ARHGAP26: variants seen among roughly 807,000 people sequenced by gnomAD.
ARHGAP26 encodes the protein Rho GTPase activating protein 26.
ARHGAP26 carries 38 observed loss-of-function variants against 104.8 expected under a neutral mutation model. The ratio of observed to expected loss-of-function variants is 0.36; its 90% confidence interval spans 0.28 to 0.48. The LOEUF (loss-of-function observed/expected upper bound fraction) is 0.48, where lower values mean the gene tolerates loss of function less well. Ranked by LOEUF, ARHGAP26 falls within the 20% of genes least tolerant of loss-of-function variation. The pLI, the probability that ARHGAP26 is intolerant of heterozygous loss-of-function variation, is 0.99. For synonymous variants in ARHGAP26, 341 were observed against 340.0 expected (o/e 1.00, Z -0.03); for missense variants, 704 against 947.9 (o/e 0.74, Z 3.38).
At chr5:143,106,466 C>CTTTTTTTTTTTTTTTTTTTT (rs70991793) in intron 17 of ARHGAP26, among the ~76,000 whole-genome samples, 1 of 77,292 alleles carries the variant, frequency 1.3e-5, no homozygotes, top group Non-Finnish European at 2.2e-5. Flanking sequence ...ATGCATTGGG[C>CTTTTTTTTTTTTTTTTTTTT]TTTTTTTTTT....
chr5:142,813,923 C>T (rs1764617886), intron 1 of ARHGAP26, among the ~76,000 whole-genome samples: 1 of 152,238 alleles, frequency 6.6e-6, no homozygotes, highest in Admixed American at 6.5e-5. Context: ...TCAGGTGGGC[C>T]TCTGAGGGCC....
At chr5:142,935,864 G>A (rs73796675) in intron 11 of ARHGAP26, among the ~76,000 whole-genome samples, 311 of 152,146 alleles carry the variant, frequency 2.0e-3, no homozygotes, top group African/African-American at 6.9e-3. Flanking sequence ...ACTTGGCCAA[G>A]GGGGGAAATG....
chr5:143,167,482 CAAAAAAAAAAAAAAAAAAAAAA>C (rs6149274), intron 20 of ARHGAP26, among the ~76,000 whole-genome samples: 5 of 60,096 alleles, frequency 8.3e-5, no homozygotes, highest in Admixed American at 2.6e-4. Context: ...GACTCCATCT[CAAAAAAAAAAAAAAAAAAAAAA>C]AAAAAAAAAA....
At chr5:142,925,829 A>T (rs747001108) in intron 10 of ARHGAP26, among the ~76,000 whole-genome samples, 2 of 152,122 alleles carry the variant, frequency 1.3e-5, no homozygotes, top group African/African-American at 2.4e-5. Context: ...TGGGGAATGA[A>T]CTCTTGCCAA....
intron 1 of ARHGAP26, among the ~76,000 whole-genome samples, chr5:142,844,051 G>GTTTT (rs34122289): frequency 0.033 from 4,312 of 132,052 alleles, 280 homozygotes; most frequent in African/African-American, 0.12. Flanking sequence ...CTAAAAGTGA[G>GTTTT]TTTTTTTTTT....
At chr5:142,812,512 A>G (rs2152029325) in intron 1 of ARHGAP26, among the ~76,000 whole-genome samples, 1 of 151,380 alleles carries the variant, frequency 6.6e-6, no homozygotes, top group African/African-American at 2.4e-5. Context: ...TAATTTTTGT[A>G]TTTTTAGTAG....
rs1262692435 is a variant in ARHGAP26, at chr5:142,890,152, ATATATATATATATATATATAT to A, written c.487-4085_487-4065del. Among the ~76,000 whole-genome samples the A allele has an allele frequency of 1.1e-3, 25 of 21,948 alleles. No homozygotes were observed. The East Asian group carries it at 0.014, about 12-fold the overall frequency. The allele number at this position is 21,948 out of a possible 152,430, so 14.4% of individuals were successfully genotyped here. On this transcript the variant is annotated intron_variant, in intron 5 of 22. Coordinates refer to ENST00000645722, the MANE Select transcript of ARHGAP26 (RefSeq NM_001135608.3). ...ACTCCGTCTTAAAAAAAAAAAAAAA[ATATATATATATATATATATAT>A]ATATATATATATATATATATATATG...
chr5:143,207,568 A>G lies in ARHGAP26; in HGVS notation c.2099+260A>G, dbSNP rs113581802. ...CCCTGCTCTCCTGTGGTTCCATCCT[A>G]AGAGACCAGAGCTAAAAGGGACCAT... On this transcript the variant is annotated intron_variant, in intron 21 of 22. Coordinates refer to ENST00000645722, the MANE Select transcript of ARHGAP26 (RefSeq NM_001135608.3). The G allele has an allele frequency of 1.8e-4, 256 of 1,450,030 alleles. No homozygotes were observed. In the African/African-American group the frequency reaches 3.2e-3, roughly 18 times the overall value. The allele number at this position is 1,450,030 out of a possible 1,614,324, so 89.8% of individuals were successfully genotyped here. A position where few individuals can be genotyped will look rare whatever the true frequency, so the allele number is the denominator to read the frequency against.
At chr5:143,050,805 C>T (rs1275166146) in intron 14 of ARHGAP26, among the ~76,000 whole-genome samples, 1 of 152,140 alleles carries the variant, frequency 6.6e-6, no homozygotes, top group Admixed American at 6.5e-5. Context: ...GAGGATTGAT[C>T]ATTCTGGGAG....
At chr5:143,044,990 T>C (rs977436883) in intron 14 of ARHGAP26, among the ~76,000 whole-genome samples, 2 of 152,198 alleles carry the variant, frequency 1.3e-5, no homozygotes, top group Non-Finnish European at 2.9e-5. Context: ...GACAGATTAT[T>C]ATGTAAGATG....
chr5:143,031,157 G>T (rs56160167), intron 12 of ARHGAP26, among the ~76,000 whole-genome samples: 13,710 of 152,292 alleles, frequency 0.09, 1,960 homozygotes, highest in African/African-American at 0.3. Flanking sequence ...AGTGTGGCTA[G>T]GTGCTCAGAG....
At chr5:143,000,066 G>A (rs1041594295) in intron 11 of ARHGAP26, among the ~76,000 whole-genome samples, 2 of 152,142 alleles carry the variant, frequency 1.3e-5, no homozygotes, top group Non-Finnish European at 2.9e-5. Context: ...ATACTGCTAC[G>A]CATACCCATT....
chr5:142,941,519 C>T (rs921604831), intron 11 of ARHGAP26, among the ~76,000 whole-genome samples: 15 of 152,108 alleles, frequency 9.9e-5, no homozygotes, highest in African/African-American at 2.9e-4. Context: ...ATTTTGTTTG[C>T]GTGTCTTTTC....
intron 11 of ARHGAP26, among the ~76,000 whole-genome samples, chr5:143,013,181 T>C (rs11738668): frequency 0.56 from 85,585 of 152,114 alleles, 28,115 homozygotes; most frequent in Non-Finnish European, 0.75. Flanking sequence ...AAAAAACTTA[T>C]TCTTCTGATT....
At position 142,963,179 on chromosome 5, in the gene ARHGAP26, T is replaced by TATATATATATAC. The variant is rs1562164385; in HGVS notation, c.1107+31065_1107+31066insCATATATATATA. ...GTATTCCATGGTATATATGTATATA[T>TATATATATATAC]ATATATATATATATATATATGTGTG... On this transcript the variant is annotated intron_variant, in intron 11 of 22. Transcript: ENST00000645722. Among the ~76,000 whole-genome samples, 217 of 104,038 alleles carry TATATATATATAC rather than the reference T, an allele frequency of 2.1e-3. 6 individuals are homozygous for TATATATATATAC. The highest frequency in any genetic ancestry group is 0.012 in the African/African-American group (204 of 17,132). The allele number at this position is 104,038 out of a possible 152,430, so 68.3% of individuals were successfully genotyped here. A position where few individuals can be genotyped will look rare whatever the true frequency, so the allele number is the denominator to read the frequency against.
chr5:143,123,458 C>T (rs536152757), intron 18 of ARHGAP26, among the ~76,000 whole-genome samples: 3 of 152,320 alleles, frequency 2.0e-5, no homozygotes, highest in African/African-American at 7.2e-5. Context: ...GGAGATAACA[C>T]TTTGTATAAA....
At chr5:142,894,650 G>A (rs746870229) in intron 6 of ARHGAP26, among the ~76,000 whole-genome samples, 2 of 152,120 alleles carry the variant, frequency 1.3e-5, no homozygotes, top group Non-Finnish European at 2.9e-5. Context: ...AGAGGGGAGG[G>A]GTTCTCTATC....
intron 11 of ARHGAP26, among the ~76,000 whole-genome samples, chr5:142,961,817 A>G (rs1475668175): frequency 6.6e-6 from 1 of 152,194 alleles, no homozygotes; most frequent in Non-Finnish European, 1.5e-5. Context: ...TCATCTTTTA[A>G]TGTCCCATTT....
chr5:142,812,714 T>G (rs1007996304), intron 1 of ARHGAP26, among the ~76,000 whole-genome samples: 2 of 151,984 alleles, frequency 1.3e-5, no homozygotes, highest in Admixed American at 6.6e-5. Flanking sequence ...TTAAAAAAAA[T>G]TTTTTTAGCG....
Sources: gnomAD v4.1 joint callset for allele counts (sites outside exome capture counted in the v4.1 genomes callset) on GRCh38, gnomAD v4.1.1 for gene constraint, MANE v1.5 for transcripts, NCBI Gene and HGNC (gene_info 2026-07-23, HGNC 2026-07-21) for gene names.